The following RPAP2 variants were observed in gnomAD, a reference collection of about 807,000 sequenced individuals.
RPAP2 encodes the protein RNA polymerase II associated protein 2.
A neutral mutation model predicts 73.1 loss-of-function variants in RPAP2; 52 were observed. That is an observed-to-expected ratio of 0.71 (90% CI 0.57 to 0.90). The LOEUF (loss-of-function observed/expected upper bound fraction) is 0.90, where lower values mean the gene tolerates loss of function less well. Ranked by LOEUF, RPAP2 falls within the 40% of genes least tolerant of loss-of-function variation. The pLI, the probability that RPAP2 is intolerant of heterozygous loss-of-function variation, is 0.00. For synonymous variants in RPAP2, 225 were observed against 242.1 expected (o/e 0.93, Z 0.65); for missense variants, 598 against 701.8 (o/e 0.85, Z 1.67).
intron 11 of RPAP2, among the ~76,000 whole-genome samples, chr1:92,349,109 T>C (rs1257737142): frequency 6.6e-6 from 1 of 152,234 alleles, no homozygotes; most frequent in African/African-American, 2.4e-5. Flanking sequence ...ATTATCCTAT[T>C]ATTCAGAAAA....
Position 92,325,969 on chromosome 1 carries a change from A to G in RPAP2, c.1455+1594A>G, listed in dbSNP as rs114691115. ...TTTAGACTATTTCCAATTTGGGGCT[A>G]TTATGAACAATATTCTTAGGAACTT... On this transcript the variant is annotated intron_variant, in intron 8 of 12. Transcript: ENST00000610020. Among the ~76,000 whole-genome samples the G allele has an allele frequency of 5.9e-3, 903 of 152,184 alleles. 7 individuals are homozygous for G. The highest frequency in any genetic ancestry group is 0.019 in the African/African-American group (795 of 41,512).
At chr1:92,351,323 AAAAAAG>A (rs1174943516) in intron 11 of RPAP2, among the ~76,000 whole-genome samples, 26 of 151,688 alleles carry the variant, frequency 1.7e-4, no homozygotes, top group East Asian at 7.7e-4. Context: ...AAAAAAAAAA[AAAAAAG>A]AAAGGACCAT....
chr1:92,362,016 C>T (rs1173457809), intron 11 of RPAP2, among the ~76,000 whole-genome samples: 1 of 152,166 alleles, frequency 6.6e-6, no homozygotes, highest in Non-Finnish European at 1.5e-5. Flanking sequence ...GAATTGGAAG[C>T]ATTTATCAAA....
chr1:92,383,665 G>A (rs529377533), intron 12 of RPAP2, among the ~76,000 whole-genome samples: 1 of 152,124 alleles, frequency 6.6e-6, no homozygotes, highest in Non-Finnish European at 1.5e-5. Context: ...GAGATTTTGG[G>A]CTGAGACGAT....
chr1:92,350,284 CTT>C (rs1359534615), intron 11 of RPAP2, among the ~76,000 whole-genome samples: 4 of 152,168 alleles, frequency 2.6e-5, no homozygotes, highest in African/African-American at 4.8e-5. Flanking sequence ...AAAATGTCCT[CTT>C]ATTCTTATTT....
chr1:92,396,922 G>A lies in RPAP2; in HGVS notation c.*9911G>A, dbSNP rs1656197430. ...CCCAAAGCGCTGGGATTACAGGCGT[G>A]AGCCACCACACCCAGCCATTTTTGC... On this transcript the variant is annotated 3_prime_UTR_variant, in exon 13 of 13. Coordinates refer to ENST00000610020, the MANE Select transcript of RPAP2 (RefSeq NM_024813.3). 4 of 152,166 alleles carry A rather than the reference G, an allele frequency of 2.6e-5. No individual in the cohort carries two copies. The highest frequency in any genetic ancestry group is 9.7e-5 in the African/African-American group (4 of 41,430). The allele number at this position is 152,166 out of a possible 1,614,324, so 9.4% of individuals were successfully genotyped here. A position where few individuals can be genotyped will look rare whatever the true frequency, so the allele number is the denominator to read the frequency against.
chr1:92,388,281 C>T lies in RPAP2; in HGVS notation c.*1270C>T, dbSNP rs1655934774. 1 of 152,152 alleles carries T rather than the reference C, an allele frequency of 6.6e-6. No individual in the cohort carries two copies. The highest frequency in any genetic ancestry group is 2.4e-5 in the African/African-American group (1 of 41,408). 9.4% of individuals were successfully genotyped at this position (152,152 alleles called of 1,614,324 possible). A position where few individuals can be genotyped will look rare whatever the true frequency, so the allele number is the denominator to read the frequency against. Reference sequence around the variant, plus strand: ...AGAGGGCTGGGCATGGTGGCTCATGCCTTTAGTTCTAGCACTTTGGAGGCA... The same window carrying T: ...AGAGGGCTGGGCATGGTGGCTCATGTCTTTAGTTCTAGCACTTTGGAGGCA... On this transcript the variant is annotated 3_prime_UTR_variant, in exon 13 of 13. Coordinates refer to ENST00000610020, the MANE Select transcript of RPAP2 (RefSeq NM_024813.3).
At position 92,380,743 on chromosome 1, in the gene RPAP2, A is replaced by C. The variant is rs1313974689; in HGVS notation, c.1708A>C (p.Ile570Leu). 1 of 1,585,070 alleles carries C rather than the reference A, an allele frequency of 6.3e-7. No individual in the cohort carries two copies. Among genetic ancestry groups the C allele is most frequent in the Non-Finnish European group, 8.5e-7 (1 of 1,171,442 alleles). Residue 570 changes from isoleucine to leucine, a missense_variant, in exon 12 of 13, where the codon ATT becomes CTT. Ile to Leu is a conservative substitution (Grantham distance 5). This residue lies in a region of RPAP2 where 506 missense variants were observed against 612.8 expected (regional missense o/e 0.83). Coordinates refer to ENST00000610020, the MANE Select transcript of RPAP2 (RefSeq NM_024813.3). ...LLSLLTPILG[I>L]QKHSQEGMVF... ...TTTCAGACTGACCCCAATTCTTGGC[A>C]TTCAGAAACATTCTCAGGAAGGTAT...
At chr1:92,311,589 C>T (rs1209601425) in intron 6 of RPAP2, among the ~76,000 whole-genome samples, 1 of 152,150 alleles carries the variant, frequency 6.6e-6, no homozygotes, top group Admixed American at 6.5e-5. Flanking sequence ...CTGAGGATGC[C>T]ATGACCTTAC....
intron 11 of RPAP2, among the ~76,000 whole-genome samples, chr1:92,374,735 A>G (rs899452020): frequency 6.6e-6 from 1 of 152,216 alleles, no homozygotes; most frequent in Non-Finnish European, 1.5e-5. Flanking sequence ...ATAACATGGA[A>G]TTCAGAAAAT....
intron 8 of RPAP2, among the ~76,000 whole-genome samples, chr1:92,327,015 C>T (rs1415627208): frequency 6.6e-6 from 1 of 152,220 alleles, no homozygotes; most frequent in Non-Finnish European, 1.5e-5. Flanking sequence ...GCTGGCCTAT[C>T]ATATGGTCTA....
At chr1:92,361,919 C>G (rs1654752721) in intron 11 of RPAP2, among the ~76,000 whole-genome samples, 1 of 152,078 alleles carries the variant, frequency 6.6e-6, no homozygotes, top group Non-Finnish European at 1.5e-5. Context: ...AGAGGTGGCA[C>G]TAAGTCTTTT....
At chr1:92,320,230 C>T (rs899065220) in intron 6 of RPAP2, among the ~76,000 whole-genome samples, 1 of 151,940 alleles carries the variant, frequency 6.6e-6, no homozygotes, top group African/African-American at 2.4e-5. Context: ...GAGACTAATC[C>T]AGATTTCTTG....
rs781447834 is a variant in RPAP2 at position 92,318,997 on chromosome 1, G to GT, written c.489-1594dup. On this transcript the variant is annotated intron_variant, in intron 6 of 12. Transcript: ENST00000610020. Reference sequence around the variant, plus strand: ...TGTATGATCAAAGGATTGTTTGTTTGTTTTTTTTAAGAGATTGGGTAGATT... The same window carrying GT: ...TGTATGATCAAAGGATTGTTTGTTTGTTTTTTTTTAAGAGATTGGGTAGATT... Among the ~76,000 whole-genome samples, 56 of 151,778 alleles carry GT rather than the reference G, an allele frequency of 3.7e-4. 3 individuals carry two copies. The highest frequency in any genetic ancestry group is 1.9e-3 in the South Asian group (9 of 4,780).
At chr1:92,308,033 G>A (rs1394746972) in intron 6 of RPAP2, among the ~76,000 whole-genome samples, 2 of 151,426 alleles carry the variant, frequency 1.3e-5, no homozygotes, top group African/African-American at 2.4e-5. Context: ...ATAAACTAAT[G>A]ACCTAAACAT....
chr1:92,384,712 C>T (rs1374184406), intron 12 of RPAP2, among the ~76,000 whole-genome samples: 4 of 151,924 alleles, frequency 2.6e-5, no homozygotes, highest in Non-Finnish European at 5.9e-5. Flanking sequence ...TCTGAGGACA[C>T]TATATAGCAA....
At chr1:92,337,631 A>T (rs928004415) in intron 10 of RPAP2, among the ~76,000 whole-genome samples, 2 of 152,182 alleles carry the variant, frequency 1.3e-5, no homozygotes, top group African/African-American at 4.8e-5. Context: ...AACTTTGAGT[A>T]AACAAAATGT....
At chr1:92,372,574 TGGGGGAG>T (rs1655199407) in intron 11 of RPAP2, among the ~76,000 whole-genome samples, 1 of 152,098 alleles carries the variant, frequency 6.6e-6, no homozygotes, top group African/African-American at 2.4e-5. Flanking sequence ...ATGTGTGGCC[TGGGGGAG>T]GGGGAATGAA....
rs191920339 is a variant in RPAP2, at chr1:92,378,570, C to T, written c.1689-2154C>T. Among the ~76,000 whole-genome samples, 437 of 152,146 alleles carry T rather than the reference C, an allele frequency of 2.9e-3. 1 individual carries two copies. The highest frequency in any genetic ancestry group is 4.3e-3 in the Non-Finnish European group (295 of 68,012). On this transcript the variant is annotated intron_variant, in intron 11 of 12. Transcript: ENST00000610020. ...TTCTGTGGAGTTGGTATATTTGAACCGCCTGACTTGGACTTCTTGGTTTTA... is the reference window on the plus strand; with the variant it reads ...TTCTGTGGAGTTGGTATATTTGAACTGCCTGACTTGGACTTCTTGGTTTTA...
Sources: gnomAD v4.1 joint callset for allele counts (sites outside exome capture counted in the v4.1 genomes callset) on GRCh38, gnomAD v4.1.1 for gene constraint, gnomAD v4.1.1 regional missense constraint, MANE v1.5 for transcripts, NCBI Gene and HGNC (gene_info 2026-07-23, HGNC 2026-07-21) for gene names.